Variants in RXFP1 observed in about 807,000 individuals in gnomAD.
The protein encoded by RXFP1 is relaxin family peptide receptor 1.
RXFP1 carries 73 observed loss-of-function variants against 89.8 expected under a neutral mutation model. The observed-to-expected ratio is 0.81, with a 90% CI of 0.67 to 0.99. RXFP1 has a LOEUF of 0.99. Ranked by LOEUF, RXFP1 falls within the 50% of genes least tolerant of loss-of-function variation. RXFP1 has a pLI of 0.00. For synonymous variants in RXFP1, 277 were observed against 305.5 expected (o/e 0.91, Z 0.97); for missense variants, 793 against 895.5 (o/e 0.89, Z 1.46).
At chr4:158,537,580 T>C (rs972892834) in intron 1 of RXFP1, among the ~76,000 whole-genome samples, 20 of 152,154 alleles carry the variant, frequency 1.3e-4, no homozygotes, top group African/African-American at 4.6e-4. Context: ...CACGACACCA[T>C]TATCTTAAAA....
chr4:158,639,699 G>A lies in RXFP1; in HGVS notation c.1115+368G>A, dbSNP rs191769088. ...AGCCTGGCCAACATGGTGAAACCTCGTCTCTACTAAAAATACAAAAATTAG... is the reference window on the plus strand; with the variant it reads ...AGCCTGGCCAACATGGTGAAACCTCATCTCTACTAAAAATACAAAAATTAG... On this transcript the variant is annotated intron_variant, in intron 14 of 17. Coordinates refer to ENST00000307765, the MANE Select transcript of RXFP1 (RefSeq NM_021634.4). Among the ~76,000 whole-genome samples the A allele has an allele frequency of 9.7e-3, 1,475 of 152,086 alleles. 28 individuals are homozygous for A. The highest frequency in any genetic ancestry group is 0.033 in the African/African-American group (1,380 of 41,490).
intron 5 of RXFP1, chr4:158,606,997 T>C: frequency 7.7e-7 from 1 of 1,304,958 alleles, no homozygotes; most frequent in Middle Eastern, 1.8e-4. Flanking sequence ...TCATATTGAT[T>C]TCTTTCTTAT....
intron 4 of RXFP1, among the ~76,000 whole-genome samples, chr4:158,603,524 A>G (rs925165044): frequency 6.6e-6 from 1 of 151,574 alleles, no homozygotes; most frequent in African/African-American, 2.4e-5. Flanking sequence ...TTCTTTCATT[A>G]TTGTTTCCCT....
intron 1 of RXFP1, among the ~76,000 whole-genome samples, chr4:158,537,281 C>G (rs1481999178): frequency 6.6e-6 from 1 of 152,102 alleles, no homozygotes; most frequent in Non-Finnish European, 1.5e-5. Flanking sequence ...CTTCTTATCT[C>G]TCTTTCCTTA....
intron 1 of RXFP1, among the ~76,000 whole-genome samples, chr4:158,554,336 A>G (rs1750800435): frequency 6.6e-6 from 1 of 152,166 alleles, no homozygotes. Flanking sequence ...ATTTTTCCTA[A>G]GTATATAAAC....
chr4:158,553,372 GA>G (rs142697427), intron 1 of RXFP1, among the ~76,000 whole-genome samples: 20 of 152,146 alleles, frequency 1.3e-4, no homozygotes, highest in African/African-American at 4.6e-4. Flanking sequence ...GGCTAAGCCA[GA>G]AAAAGAGGTA....
chr4:158,597,506 A>G (rs1760854876), intron 3 of RXFP1, among the ~76,000 whole-genome samples: 1 of 152,300 alleles, frequency 6.6e-6, no homozygotes, highest in Non-Finnish European at 1.5e-5. Flanking sequence ...CAAATTTTCA[A>G]TTAGCATTTC....
intron 1 of RXFP1, among the ~76,000 whole-genome samples, chr4:158,566,374 AT>A (rs1292960153): frequency 2.9e-3 from 59 of 20,252 alleles, no homozygotes; most frequent in South Asian, 7.2e-3. Context: ...TTATCTCAAA[AT>A]TTTTTTTTTG....
At position 158,639,280 on chromosome 4, in the gene RXFP1, T is replaced by C; in HGVS notation, c.1064T>C (p.Ile355Thr). The C allele has an allele frequency of 1.3e-6, 2 of 1,562,234 alleles. No homozygotes were observed. Among genetic ancestry groups the C allele is most frequent in the Middle Eastern group, 1.7e-4 (1 of 5,952 alleles). ...LKSLSLEGIE[I>T]SNIQQRMFRP... is the part of the protein sequence containing the mutation. ...TTTAGCAGCCTAGAAGGGATTGAAA[T>C]TTCAAATATCCAACAAAGGATGTTT... The change falls in exon 14 of 18, where the codon ATT becomes ACT. Residue 355 changes from isoleucine to threonine, a missense_variant. Coordinates refer to ENST00000307765, the MANE Select transcript of RXFP1 (RefSeq NM_021634.4).
At chr4:158,527,468 A>C (rs1459066103) in intron 1 of RXFP1, among the ~76,000 whole-genome samples, 1 of 150,324 alleles carries the variant, frequency 6.7e-6, no homozygotes, top group East Asian at 2.0e-4. Context: ...GCTTGAACCC[A>C]GGAGGCAAAG....
At chr4:158,609,266 G>A (rs189223952) in intron 6 of RXFP1, among the ~76,000 whole-genome samples, 213 of 152,288 alleles carry the variant, frequency 1.4e-3, no homozygotes, top group Middle Eastern at 3.4e-3. Context: ...CACAGCAACT[G>A]TACCATTTTA....
intron 2 of RXFP1, among the ~76,000 whole-genome samples, chr4:158,577,565 TGAAA>T (rs970821525): frequency 6.6e-6 from 1 of 152,200 alleles, no homozygotes; most frequent in African/African-American, 2.4e-5. Flanking sequence ...CTTCTTTTAA[TGAAA>T]GAGTTTTTTC....
chr4:158,615,951 C>T (rs1441739306), intron 8 of RXFP1, among the ~76,000 whole-genome samples: 1 of 151,420 alleles, frequency 6.6e-6, no homozygotes, highest in Non-Finnish European at 1.5e-5. Flanking sequence ...GACCCTGACT[C>T]AAAAAAAGGA....
intron 10 of RXFP1, among the ~76,000 whole-genome samples, chr4:158,628,225 C>T (rs1767293693): frequency 6.6e-6 from 1 of 152,142 alleles, no homozygotes; most frequent in Non-Finnish European, 1.5e-5. Flanking sequence ...TTAGGCAGAT[C>T]CGCCCGAAAT....
intron 2 of RXFP1, among the ~76,000 whole-genome samples, chr4:158,582,116 A>G (rs1308565351): frequency 6.6e-6 from 1 of 152,164 alleles, no homozygotes; most frequent in Non-Finnish European, 1.5e-5. Context: ...CCACCTCCCA[A>G]TACTCCTAAT....
chr4:158,592,709 A>T (rs957403322), intron 2 of RXFP1, among the ~76,000 whole-genome samples: 1 of 152,216 alleles, frequency 6.6e-6, no homozygotes, highest in Non-Finnish European at 1.5e-5. Flanking sequence ...TACTAAGAAC[A>T]GTGTGCCATA....
At chr4:158,543,637 A>C in intron 1 of RXFP1, 1 of 433,382 alleles carries the variant, frequency 2.3e-6, no homozygotes, top group Non-Finnish European at 3.1e-6. Flanking sequence ...CCCAGTCAGT[A>C]TTTATATTTA....
At chr4:158,595,633 A>G (rs554330761) in intron 3 of RXFP1, among the ~76,000 whole-genome samples, 36 of 152,344 alleles carry the variant, frequency 2.4e-4, no homozygotes, top group African/African-American at 7.9e-4. Flanking sequence ...ATCCTTTGCT[A>G]TATTTTTTTC....
chr4:158,583,422 AAGTTAAAAACACAGAAGG>A (rs1757741625), intron 2 of RXFP1, among the ~76,000 whole-genome samples: 1 of 152,228 alleles, frequency 6.6e-6, no homozygotes, highest in Non-Finnish European at 1.5e-5. Context: ...TCTTGTTTTC[AAGTTAAAAACACAGAAGG>A]ATACACATCA....
Sources: allele counts gnomAD v4.1 joint callset (sites outside exome capture counted in the v4.1 genomes callset), GRCh38; gene constraint gnomAD v4.1.1; transcripts MANE v1.5; gene names NCBI Gene and HGNC (gene_info 2026-07-23, HGNC 2026-07-21).